Variants in SEC61A2 observed in about 807,000 individuals in gnomAD.
SEC61A2 encodes the protein SEC61 translocon subunit alpha 2, also known as protein transport protein Sec61 subunit alpha isoform 2.
A neutral mutation model predicts 59.9 loss-of-function variants in SEC61A2; 28 were observed. The ratio of observed to expected loss-of-function variants is 0.47; its 90% CI spans 0.35 to 0.64. The LOEUF (loss-of-function observed/expected upper bound fraction) is 0.64. Ranked by LOEUF, SEC61A2 falls within the 30% of genes least tolerant of loss-of-function variation. The pLI is 0.01. For synonymous variants in SEC61A2, 202 were observed against 214.4 expected, an observed-to-expected ratio of 0.94 and a Z score of 0.50; for missense variants, 340 against 585.9, an observed-to-expected ratio of 0.58 and a Z score of 4.33.
intron 8 of SEC61A2, 34 bp from the exon 9 acceptor site, chr10:12,157,874 G>T: frequency 6.3e-7 from 1 of 1,589,306 alleles, no homozygotes; most frequent in East Asian, 2.2e-5. Context: ...TAATGTGTCT[G>T]GCTCCCCCAC....
intron 6 of SEC61A2, among the ~76,000 whole-genome samples, chr10:12,151,179 CT>C (rs1834263777): frequency 1.3e-5 from 2 of 151,250 alleles, no homozygotes; most frequent in African/African-American, 2.5e-5. Context: ...CTTAAGTTAT[CT>C]TTCTTGTGTT....
chr10:12,157,342 T>C (rs146242441), intron 8 of SEC61A2, among the ~76,000 whole-genome samples: 25 of 152,062 alleles, frequency 1.6e-4, no homozygotes, highest in Admixed American at 3.9e-4. Context: ...TTTCTTTTCT[T>C]TTTTTTTCCT....
In SEC61A2 at chr10:12,155,401, T is replaced by A; in HGVS notation, c.463-377T>A. 1 of 1,464,232 alleles carries A rather than the reference T, an allele frequency of 6.8e-7. No individual in the cohort carries two copies. The highest frequency in any genetic ancestry group is 9.2e-7 in the Non-Finnish European group (1 of 1,089,150). 90.7% of individuals were successfully genotyped at this position (1,464,232 alleles called of 1,614,324 possible). A position where few individuals can be genotyped will look rare whatever the true frequency, so the allele number is the denominator to read the frequency against. ...GAATTCATCTGACTTTTTACTTCCT[T>A]GGAGGTATTTGGGATGTTTTCAGTT... On this transcript the variant is annotated intron_variant, in intron 6 of 11. Transcript: ENST00000298428. This position sits in a 1 kb window ranked among gnomAD's most constrained non-coding sequence, Gnocchi z 4.3.
Position 12,155,203 on chromosome 10 carries a change from T to C in SEC61A2, c.463-575T>C, listed in dbSNP as rs150242090. On this transcript the variant is annotated intron_variant, in intron 6 of 11. Transcript: ENST00000298428. The surrounding 1 kb of genome is among the most constrained non-coding windows in gnomAD (Gnocchi z 4.3). ...TATGTGTATAGAATGCATTTTTACA[T>C]TGCTGCTCGAGTACGTATTTGAGTA... The C allele has an allele frequency of 3.0e-6, 2 of 666,198 alleles. No individual in the cohort carries two copies. Among genetic ancestry groups the C allele is most frequent in the Non-Finnish European group, 4.3e-6 (2 of 460,578 alleles). 41.3% of individuals were successfully genotyped at this position (666,198 alleles called of 1,614,324 possible).
In SEC61A2 at chr10:12,158,981, CTT is replaced by C. The variant is rs1159151464; in HGVS notation, c.975+889_975+890del. 5.7e-5 allele frequency among the ~76,000 whole-genome samples: 8 copies of C among 140,106 alleles called. No individual in the cohort carries two copies. Among genetic ancestry groups the C allele is most frequent in the Admixed American group, 7.2e-5 (1 of 13,984 alleles). The allele number at this position is 140,106 out of a possible 152,430, so 91.9% of individuals were successfully genotyped here. ...ACATCCCCCATCATAATTTTTTTTT[CTT>C]TTTTTTTTTTTTGAGACGGAGTCTC... is the stretch of plus-strand genomic sequence containing the variant. On this transcript the variant is annotated intron_variant, in intron 9 of 11. Transcript: ENST00000298428. This position sits in a 1 kb window ranked among gnomAD's most constrained non-coding sequence, Gnocchi z 5.7.
Position 12,155,196 on chromosome 10 carries a change from T to C in SEC61A2, c.463-582T>C. ...TTGTCACTATGTGTATAGAATGCATTTTTACATTGCTGCTCGAGTACGTAT... is the reference window on the plus strand; with the variant it reads ...TTGTCACTATGTGTATAGAATGCATCTTTACATTGCTGCTCGAGTACGTAT... On this transcript the variant is annotated intron_variant, in intron 6 of 11. Coordinates refer to ENST00000298428, the MANE Select transcript of SEC61A2 (RefSeq NM_018144.4). The surrounding 1 kb of genome is among the most constrained non-coding windows in gnomAD (Gnocchi z 4.3). 1 of 624,914 alleles carries C rather than the reference T, an allele frequency of 1.6e-6. No individual in the cohort carries two copies. Among genetic ancestry groups the C allele is most frequent in the South Asian group, 5.4e-5 (1 of 18,378 alleles). 38.7% of individuals were successfully genotyped at this position (624,914 alleles called of 1,614,324 possible). A position where few individuals can be genotyped will look rare whatever the true frequency, so the allele number is the denominator to read the frequency against.
intron 1 of SEC61A2, among the ~76,000 whole-genome samples, chr10:12,132,529 A>G (rs1031928858): frequency 4.0e-5 from 6 of 151,316 alleles, no homozygotes; most frequent in African/African-American, 1.5e-4. Context: ...CAGGAGAATC[A>G]CTTGAACCTG....
intron 3 of SEC61A2, among the ~76,000 whole-genome samples, chr10:12,140,967 T>A (rs912994365): frequency 6.6e-6 from 1 of 152,024 alleles, no homozygotes; most frequent in Non-Finnish European, 1.5e-5. Context: ...TGGCACGATG[T>A]CTGCTCACTG....
chr10:12,130,306 G>C, intron 1 of SEC61A2, among the ~76,000 whole-genome samples: 1 of 152,132 alleles, frequency 6.6e-6, no homozygotes, highest in East Asian at 1.9e-4. Context: ...AAAACTGTAA[G>C]GTTTTATAAG....
Position 12,142,271 on chromosome 10 carries a change from A to G in SEC61A2, c.142-846A>G, listed in dbSNP as rs1388404315. 6.6e-6 allele frequency among the ~76,000 whole-genome samples: 1 copy of G among 152,170 alleles called. No individual in the cohort carries two copies. Among genetic ancestry groups the G allele is most frequent in the Non-Finnish European group, 1.5e-5 (1 of 68,032 alleles). The stretch of plus-strand genomic sequence containing the variant: ...TCAACATGGTAGATTAGCATCCAAG[A>G]TGGAGTCACTTTGGTCTCCACCTTG... On this transcript the variant is annotated intron_variant, in intron 3 of 11. Coordinates refer to ENST00000298428, the MANE Select transcript of SEC61A2 (RefSeq NM_018144.4). The surrounding 1 kb of genome is among the most constrained non-coding windows in gnomAD (Gnocchi z 5.4).
In SEC61A2 at chr10:12,156,563, C is replaced by T. The variant is rs1014544951; in HGVS notation, c.617-344C>T. Among the ~76,000 whole-genome samples, 2 of 152,180 alleles carry T rather than the reference C, an allele frequency of 1.3e-5. No individual in the cohort carries two copies. Among genetic ancestry groups the T allele is most frequent in the African/African-American group, 4.8e-5 (2 of 41,430 alleles). On this transcript the variant is annotated intron_variant, in intron 7 of 11. Coordinates refer to ENST00000298428, the MANE Select transcript of SEC61A2 (RefSeq NM_018144.4). The surrounding 1 kb of genome is among the most constrained non-coding windows in gnomAD (Gnocchi z 5.2). ...TTATTCTGACATCTCTGCTCTGCTT[C>T]GCTGCTGTTTATTTTTCCTAAAAAC... is the stretch of plus-strand genomic sequence containing the variant.
intron 4 of SEC61A2, among the ~76,000 whole-genome samples, chr10:12,144,925 T>G (rs1412730155): frequency 6.6e-6 from 1 of 152,028 alleles, no homozygotes; most frequent in Admixed American, 6.6e-5. Context: ...TCGTGTGTAC[T>G]GTGGTCCCAG....
intron 2 of SEC61A2, among the ~76,000 whole-genome samples, chr10:12,134,519 A>G (rs980205389): frequency 3.3e-5 from 5 of 152,202 alleles, no homozygotes; most frequent in African/African-American, 7.2e-5. Flanking sequence ...ACACCGTACA[A>G]TGCAGATGAG....
chr10:12,149,830 C>G lies in SEC61A2; in HGVS notation c.353-22C>G, dbSNP rs1460809379. On this transcript the variant is annotated intron_variant, in intron 5 of 11. Coordinates refer to ENST00000298428, the MANE Select transcript of SEC61A2 (RefSeq NM_018144.4). This position sits in a 1 kb window ranked among gnomAD's most constrained non-coding sequence, Gnocchi z 5.2. The stretch of plus-strand genomic sequence containing the variant: ...TGTCTTTGGTGGTAAGCGTGCTCTC[C>G]TTTCCCCCCAACTTTCATCAGTGTT... 7 of 1,611,290 alleles carry G rather than the reference C, an allele frequency of 4.3e-6. No homozygotes were observed. Among genetic ancestry groups the G allele is most frequent in the Non-Finnish European group, 5.1e-6 (6 of 1,177,766 alleles).
At chr10:12,136,260 A>G (rs1833881135) in intron 3 of SEC61A2, 90 bp downstream of exon 3, 1 of 809,706 alleles carries the variant, frequency 1.2e-6, no homozygotes, top group Admixed American at 2.0e-5. Context: ...GTTAAAATAA[A>G]GAATACATTG....
rs1456407099 is a variant in SEC61A2 at position 12,161,409 on chromosome 10, T to C, written c.1167+288T>C. 1.3e-5 allele frequency among the ~76,000 whole-genome samples: 2 copies of C among 152,164 alleles called. No individual in the cohort carries two copies. The highest frequency in any genetic ancestry group is 2.4e-5 in the African/African-American group (1 of 41,432). On this transcript the variant is annotated intron_variant, in intron 10 of 11. Coordinates refer to ENST00000298428, the MANE Select transcript of SEC61A2 (RefSeq NM_018144.4). The surrounding 1 kb of genome is among the most constrained non-coding windows in gnomAD (Gnocchi z 5.4). The stretch of plus-strand genomic sequence containing the variant: ...TTGCAGTGAGCCAAGATTGCACCAC[T>C]GCACTCCAGCCTGGGTGACAGAGCG...
chr10:12,136,720 C>T (rs1312658983), intron 3 of SEC61A2, among the ~76,000 whole-genome samples: 1 of 152,132 alleles, frequency 6.6e-6, no homozygotes, highest in Non-Finnish European at 1.5e-5. Flanking sequence ...ACCTCTGCCT[C>T]CCCAGTTCAA....
chr10:12,153,158 G>T lies in SEC61A2; in HGVS notation c.463-2620G>T, dbSNP rs527709727. Among the ~76,000 whole-genome samples the T allele has an allele frequency of 1.3e-5, 2 of 151,034 alleles. No homozygotes were observed. The highest frequency in any genetic ancestry group is 2.9e-5 in the Non-Finnish European group (2 of 67,988). ...CAGCCCTTGGGAATTAGGGAAAGAG[G>T]CGCATTGGATGGGGAGAGATGATAT... On this transcript the variant is annotated intron_variant, in intron 6 of 11. Coordinates refer to ENST00000298428, the MANE Select transcript of SEC61A2 (RefSeq NM_018144.4). The surrounding 1 kb of genome is among the most constrained non-coding windows in gnomAD (Gnocchi z 5.2).
In SEC61A2 at chr10:12,161,247, T is replaced by C. The variant is rs1834520297; in HGVS notation, c.1167+126T>C. The stretch of plus-strand genomic sequence containing the variant: ...CACCTCAGGAGTTTTGAGACCAGCC[T>C]GGGCAACATAGCGAGACCCCGTCAT... On this transcript the variant is annotated intron_variant, in intron 10 of 11. Transcript: ENST00000298428. The surrounding 1 kb of genome is among the most constrained non-coding windows in gnomAD (Gnocchi z 5.4). 2.9e-6 allele frequency: 2 copies of C among 692,188 alleles called. No individual in the cohort carries two copies. The highest frequency in any genetic ancestry group is 1.8e-5 in the African/African-American group (1 of 54,216). 42.9% of individuals were successfully genotyped at this position (692,188 alleles called of 1,614,324 possible). A position where few individuals can be genotyped will look rare whatever the true frequency, so the allele number is the denominator to read the frequency against.
Sources: allele counts gnomAD v4.1 joint callset (sites outside exome capture counted in the v4.1 genomes callset), GRCh38; gene constraint gnomAD v4.1.1; non-coding constraint Gnocchi (gnomAD v3.1); transcripts MANE v1.5; gene names NCBI Gene and HGNC (gene_info 2026-07-23, HGNC 2026-07-21).